Variants in CALN1 observed in about 807,000 individuals in gnomAD.
CALN1 encodes calcium-binding protein 8.
In CALN1, 17 loss-of-function variants were observed where a neutral mutation model predicts 30.6. That is an observed-to-expected ratio of 0.56 (90% confidence interval 0.38 to 0.83). The LOEUF is 0.83. Among genes scored for constraint, CALN1 ranks in the 40% least tolerant of loss-of-function variants. The pLI is 0.00. For missense variants in CALN1, 291 were observed against 354.9 expected (o/e 0.82, Z 1.45); for synonymous variants, 156 against 131.4 (o/e 1.19, Z -1.28).
At chr7:72,104,203 A>C (rs979384573) in intron 4 of CALN1, 1 of 153,126 alleles carries the variant, frequency 6.5e-6, no homozygotes, top group African/African-American at 2.4e-5. Context: ...CCAGAAGAAC[A>C]TACAACACAT....
intron 5 of CALN1, among the ~76,000 whole-genome samples, chr7:71,909,010 A>G (rs937781201): frequency 6.6e-6 from 1 of 152,104 alleles, no homozygotes; most frequent in African/African-American, 2.4e-5. Flanking sequence ...GTGACATTTT[A>G]TTGATTGATT....
chr7:72,015,253 T>C (rs1482262481), intron 5 of CALN1, among the ~76,000 whole-genome samples: 3 of 152,196 alleles, frequency 2.0e-5, no homozygotes, highest in Non-Finnish European at 4.4e-5. Flanking sequence ...TTGTCCCAAA[T>C]GTCAGGCTCA....
At chr7:72,371,065 A>G (rs964748866) in intron 2 of CALN1, among the ~76,000 whole-genome samples, 16 of 151,634 alleles carry the variant, frequency 1.1e-4, no homozygotes, top group Non-Finnish European at 2.2e-4. Context: ...AAAAAAAAAA[A>G]AGAGAGGGCT....
chr7:72,299,727 G>T, intron 2 of CALN1, among the ~76,000 whole-genome samples: 1 of 144,460 alleles, frequency 6.9e-6, no homozygotes, highest in African/African-American at 2.6e-5. Flanking sequence ...AGAGACTGAG[G>T]TCCTGCTGTG....
At chr7:71,853,710 G>A (rs1433017892) in intron 5 of CALN1, among the ~76,000 whole-genome samples, 1 of 152,084 alleles carries the variant, frequency 6.6e-6, no homozygotes, top group African/African-American at 2.4e-5. Flanking sequence ...CTCCCGAGTA[G>A]CTGGGATTAC....
At chr7:72,462,525 C>A in the CALN1 span, among the ~76,000 whole-genome samples, 1 of 152,132 alleles carries the variant, frequency 6.6e-6, no homozygotes, top group Non-Finnish European at 1.5e-5. Flanking sequence ...GCGGTGCCTG[C>A]TGGGAATGAC....
upstream of CALN1, among the ~76,000 whole-genome samples, chr7:72,413,279 CACACACACCACATGT>C (rs1041121139): frequency 4.6e-5 from 7 of 150,658 alleles, no homozygotes; most frequent in African/African-American, 1.7e-4. Flanking sequence ...CACACATGCA[CACACACACCACATGT>C]ACACACACAC....
chr7:72,300,505 CAA>C (rs1799183745), intron 2 of CALN1, among the ~76,000 whole-genome samples: 2 of 152,024 alleles, frequency 1.3e-5, no homozygotes, highest in South Asian at 2.1e-4. Flanking sequence ...TGTTGTGGAT[CAA>C]AGACGCTCAC....
chr7:71,959,048 CT>C (rs1797108938), intron 5 of CALN1, among the ~76,000 whole-genome samples: 1 of 152,186 alleles, frequency 6.6e-6, no homozygotes, highest in African/African-American at 2.4e-5. Context: ...TAGGCATAGG[CT>C]GCTCAATTAA....
chr7:72,465,433 A>G, the CALN1 span, among the ~76,000 whole-genome samples: 1 of 152,142 alleles, frequency 6.6e-6, no homozygotes, highest in Non-Finnish European at 1.5e-5. Context: ...ATCTGCCAAT[A>G]TCCTGGATAC....
At chr7:72,402,430 G>T (rs756396318) in intron 2 of CALN1, among the ~76,000 whole-genome samples, 1 of 152,122 alleles carries the variant, frequency 6.6e-6, no homozygotes, top group East Asian at 1.9e-4. Context: ...GTCGCCACTG[G>T]AAGCTGGTGG....
At chr7:71,827,774 AAAAAT>A (rs1483397580) in intron 5 of CALN1, among the ~76,000 whole-genome samples, 8 of 100,076 alleles carry the variant, frequency 8.0e-5, no homozygotes, top group African/African-American at 2.7e-4. Flanking sequence ...TCCATCTTAA[AAAAAT>A]AAATAAATAA....
the CALN1 span, among the ~76,000 whole-genome samples, chr7:72,501,928 A>T: frequency 0.13 from 7,235 of 57,776 alleles, 930 homozygotes; most frequent in Admixed American, 0.27. Context: ...AAAAAAAAAA[A>T]ATATATATAT....
intron 3 of CALN1, among the ~76,000 whole-genome samples, chr7:72,209,344 CCTTCCCTCCTTCCCTCT>C (rs1792193327): frequency 1.4e-5 from 1 of 70,406 alleles, no homozygotes; most frequent in Non-Finnish European, 2.6e-5. Flanking sequence ...TTCCCTCTTT[CCTTCCCTCCTTCCCTCT>C]TTCCTTCCCT....
chr7:72,130,218 ATAAACCTGT>A (rs1380292400), intron 3 of CALN1, among the ~76,000 whole-genome samples: 1 of 152,226 alleles, frequency 6.6e-6, no homozygotes, highest in Non-Finnish European at 1.5e-5. Context: ...CATGAGCCAT[ATAAACCTGT>A]TTTCTTTATA....
At chr7:71,941,563 T>G (rs1796132523) in intron 5 of CALN1, among the ~76,000 whole-genome samples, 1 of 152,164 alleles carries the variant, frequency 6.6e-6, no homozygotes. Flanking sequence ...GAAGAGAGGT[T>G]CAATTTCATT....
intron 3 of CALN1, among the ~76,000 whole-genome samples, chr7:72,141,894 C>A (rs965553426): frequency 6.6e-6 from 1 of 152,114 alleles, no homozygotes; most frequent in Admixed American, 6.5e-5. Context: ...TACAGATGGG[C>A]CCTATGTCAA....
chr7:71,865,126 G>T (rs1791512415), intron 5 of CALN1, among the ~76,000 whole-genome samples: 1 of 152,174 alleles, frequency 6.6e-6, no homozygotes, highest in Non-Finnish European at 1.5e-5. Flanking sequence ...ATAATGGTTT[G>T]GCTCTGTGTA....
intron 2 of CALN1, among the ~76,000 whole-genome samples, chr7:72,295,656 T>G (rs1299428825): frequency 1.4e-5 from 2 of 143,038 alleles, no homozygotes. Flanking sequence ...ATGATTTGGC[T>G]CTCTGTTTGT....
Sources: allele counts gnomAD v4.1 joint callset (sites outside exome capture counted in the v4.1 genomes callset), GRCh38; gene constraint gnomAD v4.1.1; transcripts MANE v1.5; gene names NCBI Gene and HGNC (gene_info 2026-07-23, HGNC 2026-07-21).